The following ENTPD1 variants were observed in gnomAD, a reference collection of about 807,000 sequenced individuals.
ENTPD1 encodes ATP diphosphohydrolase.
A neutral mutation model predicts 57.0 loss-of-function variants in ENTPD1; 33 were observed. The observed-to-expected ratio is 0.58, with a 90% CI of 0.44 to 0.77. The LOEUF (loss-of-function observed/expected upper bound fraction) is 0.77, where lower values mean the gene tolerates loss of function less well. Ranked by LOEUF, ENTPD1 falls within the 30% of genes least tolerant of loss-of-function variation. The pLI is 0.00. For missense variants in ENTPD1, 501 were observed against 603.4 expected (o/e 0.83, Z 1.78); for synonymous variants, 202 against 218.8 (o/e 0.92, Z 0.68).
chr10:95,784,102 C>CTT (rs200561277), intron 1 of ENTPD1, among the ~76,000 whole-genome samples: 5,008 of 134,550 alleles, frequency 0.037, 334 homozygotes, highest in African/African-American at 0.13. Context: ...TTTGCTTGTT[C>CTT]TTTTTTTTTT....
the ENTPD1 span, among the ~76,000 whole-genome samples, chr10:95,700,579 A>C: frequency 3.9e-5 from 6 of 152,144 alleles, no homozygotes; most frequent in Middle Eastern, 3.4e-3. Context: ...TCCTAGCTGC[A>C]CAAGAGGCTG....
intron 1 of ENTPD1, among the ~76,000 whole-genome samples, chr10:95,770,657 C>G (rs2098112901): frequency 6.6e-6 from 1 of 152,188 alleles, no homozygotes; most frequent in Non-Finnish European, 1.5e-5. Flanking sequence ...ATTGTGAAGA[C>G]AGCCCAAACT....
At chr10:95,770,962 A>G (rs1488775539) in intron 1 of ENTPD1, among the ~76,000 whole-genome samples, 1 of 152,176 alleles carries the variant, frequency 6.6e-6, no homozygotes, top group Non-Finnish European at 1.5e-5. Flanking sequence ...AAGAATAAAT[A>G]AGAAAATAAA....
At chr10:95,859,727 G>A (rs1456396251) in intron 7 of ENTPD1, among the ~76,000 whole-genome samples, 1 of 152,152 alleles carries the variant, frequency 6.6e-6, no homozygotes, top group Non-Finnish European at 1.5e-5. Context: ...TTATAGGGTG[G>A]TATGAAGTAT....
At chr10:95,794,412 A>T (rs1238829846) in intron 1 of ENTPD1, among the ~76,000 whole-genome samples, 2 of 152,194 alleles carry the variant, frequency 1.3e-5, no homozygotes, top group Non-Finnish European at 2.9e-5. Flanking sequence ...TAAGCAGCAG[A>T]CATGGTCCTT....
At chr10:95,835,832 G>T (rs182862731) in intron 2 of ENTPD1, among the ~76,000 whole-genome samples, 103 of 151,984 alleles carry the variant, frequency 6.8e-4, no homozygotes, top group African/African-American at 2.4e-3. Flanking sequence ...AGTTTAATTA[G>T]GTCCCAATTG....
intron 2 of ENTPD1, among the ~76,000 whole-genome samples, chr10:95,831,752 G>C (rs2098397356): frequency 6.6e-6 from 1 of 152,182 alleles, no homozygotes; most frequent in East Asian, 1.9e-4. Flanking sequence ...CCTCATGCCT[G>C]GGCCACATGT....
chr10:95,871,542 A>G lies in ENTPD1; in HGVS notation c.*5159A>G. The G allele has an allele frequency of 1.0e-6, 1 of 985,382 alleles. No individual in the cohort carries two copies. Among genetic ancestry groups the G allele is most frequent in the Non-Finnish European group, 1.2e-6 (1 of 829,890 alleles). 61.0% of individuals were successfully genotyped at this position (985,382 alleles called of 1,614,324 possible). ...ATACAAATCTAATACAACTGAACACAATCAGTTTTATCACAGGTATAATGG... is the reference window on the plus strand; with the variant it reads ...ATACAAATCTAATACAACTGAACACGATCAGTTTTATCACAGGTATAATGG... On this transcript the variant is annotated 3_prime_UTR_variant, in exon 10 of 10. Transcript: ENST00000371205.
chr10:95,816,677 C>T (rs777956776), intron 1 of ENTPD1, among the ~76,000 whole-genome samples: 1 of 152,166 alleles, frequency 6.6e-6, no homozygotes, highest in Non-Finnish European at 1.5e-5. Context: ...AAGACATCTC[C>T]TCCAGAACCT....
chr10:95,742,415 C>T (rs1400583649), intron 1 of ENTPD1, among the ~76,000 whole-genome samples: 1 of 151,976 alleles, frequency 6.6e-6, no homozygotes, highest in Non-Finnish European at 1.5e-5. Flanking sequence ...GCTACTCCTT[C>T]CTGTCCTCCC....
intron 1 of ENTPD1, among the ~76,000 whole-genome samples, chr10:95,799,814 T>G (rs2098241345): frequency 6.6e-6 from 1 of 152,230 alleles, no homozygotes; most frequent in East Asian, 1.9e-4. Flanking sequence ...TTTTTTACTT[T>G]TTAATGATAG....
intron 2 of ENTPD1, among the ~76,000 whole-genome samples, chr10:95,833,135 AT>A (rs1170155887): frequency 6.6e-6 from 1 of 152,234 alleles, no homozygotes; most frequent in Non-Finnish European, 1.5e-5. Context: ...CTCTTGGAAA[AT>A]ATCTGTATTA....
At chr10:95,712,319 T>C (rs556972776) in intron 1 of ENTPD1, among the ~76,000 whole-genome samples, 1 of 152,292 alleles carries the variant, frequency 6.6e-6, no homozygotes, top group African/African-American at 2.4e-5. Flanking sequence ...CTGATCAGTT[T>C]TGCGGTTCTG....
chr10:95,785,419 T>C (rs1180164467), intron 1 of ENTPD1, among the ~76,000 whole-genome samples: 8 of 152,222 alleles, frequency 5.3e-5, no homozygotes, highest in Non-Finnish European at 2.9e-5. Flanking sequence ...AAAGCTTTGT[T>C]ATGAGGATTA....
At chr10:95,739,149 T>C (rs1183900276) in intron 1 of ENTPD1, among the ~76,000 whole-genome samples, 1 of 152,240 alleles carries the variant, frequency 6.6e-6, no homozygotes, top group African/African-American at 2.4e-5. Flanking sequence ...AGTTGTAATC[T>C]TTTTGCTGTT....
chr10:95,809,574 C>T (rs556372383), intron 1 of ENTPD1, among the ~76,000 whole-genome samples: 90 of 101,710 alleles, frequency 8.8e-4, no homozygotes, highest in African/African-American at 2.7e-3. Context: ...TGGGCAGAGG[C>T]GCCCCCCCAC....
chr10:95,810,106 C>T (rs57456033), intron 1 of ENTPD1, among the ~76,000 whole-genome samples: 7,325 of 145,744 alleles, frequency 0.05, 210 homozygotes, highest in South Asian at 0.079. Context: ...CCGGACAGGG[C>T]GGCCGGGCAG....
At chr10:95,761,280 A>G (rs190586309) in intron 1 of ENTPD1, among the ~76,000 whole-genome samples, 1 of 152,284 alleles carries the variant, frequency 6.6e-6, no homozygotes, top group East Asian at 1.9e-4. Flanking sequence ...GTGTGTGCAT[A>G]TGTTCTGAAG....
chr10:95,864,933 GA>G (rs757677494), intron 9 of ENTPD1, 72 bp downstream of exon 9: 116 of 1,538,700 alleles, frequency 7.5e-5, no homozygotes, highest in Non-Finnish European at 9.2e-5. Flanking sequence ...TTTGGGGCTT[GA>G]AAAAGGGGGG....
Sources: gnomAD v4.1 joint callset for allele counts (sites outside exome capture counted in the v4.1 genomes callset) on GRCh38, gnomAD v4.1.1 for gene constraint, MANE v1.5 for transcripts, NCBI Gene and HGNC (gene_info 2026-07-23, HGNC 2026-07-21) for gene names.